The following RBM26 variants were observed in gnomAD, a reference collection of about 807,000 sequenced individuals.
The protein encoded by RBM26 is RNA binding motif protein 26, also known as RNA-binding protein 26.
RBM26 carries 30 observed loss-of-function variants against 123.6 expected under a neutral mutation model. The observed-to-expected ratio is 0.24, with a 90% CI of 0.18 to 0.33. The LOEUF is 0.33. RBM26 is among the 10% of genes least tolerant of loss of function. The pLI is 1.00. For missense variants in RBM26, 947 were observed against 1,203.6 expected, an observed-to-expected ratio of 0.79 and a Z score of 3.15; for synonymous variants, 400 against 404.4, an observed-to-expected ratio of 0.99 and a Z score of 0.13.
chr13:79,316,196 T>TGTGTGTGTGA (rs2067134008), downstream of RBM26, among the ~76,000 whole-genome samples: 1 of 118,608 alleles, frequency 8.4e-6, no homozygotes, highest in Non-Finnish European at 1.7e-5. Flanking sequence ...GGGGCAGGTG[T>TGTGTGTGTGA]GTGTGTGTGT....
intron 14 of RBM26, among the ~76,000 whole-genome samples, chr13:79,352,236 T>C (rs2073343959): frequency 6.6e-6 from 1 of 152,182 alleles, no homozygotes. Context: ...GCATTATCTC[T>C]GAAATTGATT....
intron 14 of RBM26, among the ~76,000 whole-genome samples, chr13:79,352,764 C>T (rs767940608): frequency 1.8e-4 from 28 of 152,148 alleles, no homozygotes; most frequent in Admixed American, 1.2e-3. Flanking sequence ...ATTAAGAACA[C>T]TGCCCAACGT....
At chr13:79,318,087 A>G (rs970528027), downstream of RBM26, among the ~76,000 whole-genome samples, 19 of 151,684 alleles carry the variant, frequency 1.3e-4, no homozygotes, top group African/African-American at 4.3e-4. Flanking sequence ...AGATATGAAC[A>G]AAGTGCTGTA....
intron 14 of RBM26, among the ~76,000 whole-genome samples, chr13:79,347,605 C>T (rs2072548979): frequency 6.6e-6 from 1 of 152,122 alleles, no homozygotes; most frequent in Non-Finnish European, 1.5e-5. Context: ...ATTCCAAATG[C>T]ATTTCTATAT....
chr13:79,345,796 G>T (rs2072224802), intron 14 of RBM26, among the ~76,000 whole-genome samples: 1 of 151,958 alleles, frequency 6.6e-6, no homozygotes. Flanking sequence ...CACTAAACTA[G>T]ACTGAAATGA....
chr13:79,368,076 A>T (rs980483195), intron 6 of RBM26, among the ~76,000 whole-genome samples: 3 of 150,022 alleles, frequency 2.0e-5, no homozygotes, highest in Non-Finnish European at 2.9e-5. Flanking sequence ...CCCGGGCTAG[A>T]GTGCAGTGGT....
chr13:79,349,557 C>T (rs749090994), intron 14 of RBM26, among the ~76,000 whole-genome samples: 5 of 150,894 alleles, frequency 3.3e-5, no homozygotes, highest in Non-Finnish European at 7.4e-5. Context: ...CAAAGTTCAG[C>T]AAAGCTAATA....
downstream of RBM26, chr13:79,314,630 T>G (rs1593806852): frequency 6.4e-6 from 1 of 156,224 alleles, no homozygotes; most frequent in South Asian, 1.9e-4. Context: ...AACACAGTAG[T>G]ATGGCTTTAC....
intron 20 of RBM26, 53 bp from the exon 21 acceptor site, chr13:79,322,515 AAAAT>A (rs763037904): frequency 2.7e-5 from 33 of 1,206,868 alleles, no homozygotes; most frequent in Non-Finnish European, 3.6e-5. Context: ...TCTGAAGAAA[AAAAT>A]AAATGTCATA....
Position 79,395,615 on chromosome 13 carries a change from G to T in RBM26, c.71+10089C>A, listed in dbSNP as rs183435396. Among the ~76,000 whole-genome samples, 67 of 152,140 alleles carry T rather than the reference G, an allele frequency of 4.4e-4. 1 individual carries two copies. The highest frequency in any genetic ancestry group is 1.7e-3 in the South Asian group (8 of 4,822). ...AATTAAATTAAAAAATTAGCTGGGT[G>T]TGGTGGTGTGTGACTGCCATTCCAG... is the stretch of plus-strand genomic sequence containing the variant. On this transcript the variant is annotated intron_variant, in intron 1 of 21. Transcript: ENST00000438737.
At position 79,337,083 on chromosome 13, in the gene RBM26, T is replaced by C. The variant is rs751843485; in HGVS notation, c.2733+19A>G. The stretch of plus-strand genomic sequence containing the variant: ...ATGATGATTATCAGCATTTGTTTTG[T>C]TGAGCAGTAAGAAAGTACCGCAAAA... On this transcript the variant is annotated intron_variant, in intron 19 of 21. Transcript: ENST00000438737. The C allele has an allele frequency of 5.0e-6, 8 of 1,606,210 alleles. No homozygotes were observed. Among genetic ancestry groups the C allele is most frequent in the South Asian group, 1.1e-5 (1 of 90,512 alleles).
chr13:79,342,480 G>T (rs1315087376), intron 17 of RBM26, among the ~76,000 whole-genome samples, 184 bp downstream of exon 17: 1 of 151,772 alleles, frequency 6.6e-6, no homozygotes, highest in East Asian at 1.9e-4. Flanking sequence ...AACTATAACA[G>T]AATTTAAAAG....
At chr13:79,397,788 T>C (rs750668321) in intron 1 of RBM26, among the ~76,000 whole-genome samples, 4 of 148,592 alleles carry the variant, frequency 2.7e-5, no homozygotes, top group Admixed American at 2.0e-4. Flanking sequence ...ATCTATAAAA[T>C]AGCTACTAGA....
chr13:79,350,830 T>C (rs927314054), intron 14 of RBM26, among the ~76,000 whole-genome samples: 1 of 152,050 alleles, frequency 6.6e-6, no homozygotes, highest in African/African-American at 2.4e-5. Flanking sequence ...TGTAAGTATT[T>C]TGGACCCAAA....
At chr13:79,367,380 C>A (rs925674222) in intron 6 of RBM26, among the ~76,000 whole-genome samples, 1 of 122,650 alleles carries the variant, frequency 8.2e-6, no homozygotes, top group African/African-American at 2.9e-5. Context: ...GCACTCCAGC[C>A]TGGGGTATAG....
At chr13:79,361,088 C>T (rs1040184164) in intron 9 of RBM26, among the ~76,000 whole-genome samples, 14 of 152,224 alleles carry the variant, frequency 9.2e-5, no homozygotes, top group Admixed American at 3.9e-4. Context: ...TCTGGAAATC[C>T]TACAGGTATC....
Position 79,368,914 on chromosome 13 carries a change from C to T in RBM26, c.711G>A (p.Ser237=), listed in dbSNP as rs1324386799. 41 of 1,610,952 alleles carry T rather than the reference C, an allele frequency of 2.5e-5. No homozygotes were observed. The highest frequency in any genetic ancestry group is 1.6e-4 in the Middle Eastern group (1 of 6,076). The stretch of plus-strand genomic sequence containing the variant: ...AGTGGCCAGATGAAATACTAGGTAC[C>T]GAAGAGACTGGAGTATAATTATTTT... The part of the protein sequence containing the change: ...PLENNYTPVS[S]VPSISSGHYP... Residue 237 remains serine, a synonymous_variant, in exon 6 of 22, where the codon TCG becomes TCA. Coordinates refer to ENST00000438737, the MANE Select transcript of RBM26 (RefSeq NM_001366735.2).
At chr13:79,332,226 G>T (rs2069553602) in intron 20 of RBM26, among the ~76,000 whole-genome samples, 1 of 152,150 alleles carries the variant, frequency 6.6e-6, no homozygotes, top group South Asian at 2.1e-4. Flanking sequence ...ATCCTTTACT[G>T]CGAGTTCATG....
chr13:79,373,367 AT>A (rs2076218753), intron 3 of RBM26, among the ~76,000 whole-genome samples: 1 of 104,906 alleles, frequency 9.5e-6, no homozygotes, highest in African/African-American at 3.9e-5. Context: ...ATATAAATAT[AT>A]AATATATATT....
Sources: gnomAD v4.1 joint callset for allele counts (sites outside exome capture counted in the v4.1 genomes callset) on GRCh38, gnomAD v4.1.1 for gene constraint, MANE v1.5 for transcripts, NCBI Gene and HGNC (gene_info 2026-07-23, HGNC 2026-07-21) for gene names.